DLG2: variants seen among roughly 807,000 people sequenced by gnomAD.
DLG2 encodes disks large homolog 2.
Under a neutral mutation model 132.5 loss-of-function variants are expected in DLG2, and 45 were observed. That is an observed-to-expected ratio of 0.34 (90% CI 0.27 to 0.44). The LOEUF (loss-of-function observed/expected upper bound fraction) is 0.44, where lower values mean the gene tolerates loss of function less well. Among genes scored for constraint, DLG2 ranks in the 20% least tolerant of loss-of-function variants. The pLI, the probability that DLG2 is intolerant of heterozygous loss-of-function variation, is 1.00. For synonymous variants in DLG2, 424 were observed against 419.6 expected (o/e 1.01, Z -0.13); for missense variants, 1,045 against 1,196.9 (o/e 0.87, Z 1.87).
At chr11:84,781,531 A>G (rs999606202) in intron 6 of DLG2, among the ~76,000 whole-genome samples, 1 of 151,786 alleles carries the variant, frequency 6.6e-6, no homozygotes, top group Non-Finnish European at 1.5e-5. Flanking sequence ...TAAAATAATA[A>G]TATAATAATA....
At position 85,537,229 on chromosome 11, in the gene DLG2, A is replaced by C. The variant is rs188732176; in HGVS notation, c.40+61428T>G. ...TAAAACGGACCAATCAGCTCTCTGT[A>C]AAATGGACCAGTCAGCTCTCTCAGG... On this transcript the variant is annotated intron_variant, in intron 3 of 27. Transcript: ENST00000376104. Among the ~76,000 whole-genome samples, 5 of 152,316 alleles carry C rather than the reference A, an allele frequency of 3.3e-5. No individual in the cohort carries two copies. The East Asian group carries it at 9.6e-4, about 29-fold the overall frequency.
At chr11:84,339,650 T>C (rs2098504988) in intron 7 of DLG2, among the ~76,000 whole-genome samples, 1 of 152,310 alleles carries the variant, frequency 6.6e-6, no homozygotes, top group African/African-American at 2.4e-5. Context: ...GTGGTGTCCT[T>C]TCCTTGGTCT....
chr11:83,481,388 CAT>C (rs1431824581), intron 22 of DLG2, among the ~76,000 whole-genome samples: 5 of 144,640 alleles, frequency 3.5e-5, no homozygotes, highest in African/African-American at 1.3e-4. Flanking sequence ...AAATGAAGAA[CAT>C]GTGACTATTT....
intron 6 of DLG2, among the ~76,000 whole-genome samples, chr11:84,780,822 C>T (rs554873760): frequency 2.6e-5 from 4 of 152,040 alleles, no homozygotes; most frequent in Admixed American, 2.6e-4. Context: ...CTTCCTTCTT[C>T]CAGGTATATT....
chr11:84,273,234 G>A (rs764385290), intron 7 of DLG2: 42 of 1,537,104 alleles, frequency 2.7e-5, no homozygotes, highest in Admixed American at 1.2e-4. Context: ...TTCTCAGCCC[G>A]AGAAACACTT....
chr11:84,594,119 A>C (rs1397944078), intron 6 of DLG2, among the ~76,000 whole-genome samples: 1 of 152,190 alleles, frequency 6.6e-6, no homozygotes, highest in East Asian at 1.9e-4. Flanking sequence ...ATATCCTTAG[A>C]ATAGGAAATA....
intron 8 of DLG2, among the ~76,000 whole-genome samples, chr11:84,231,269 T>C (rs1276653959): frequency 2.0e-5 from 3 of 152,238 alleles, no homozygotes; most frequent in Admixed American, 6.5e-5. Context: ...AAGAGTTAAA[T>C]AGAATGATGC....
intron 2 of DLG2, among the ~76,000 whole-genome samples, chr11:85,608,978 G>A (rs1368377757): frequency 6.6e-6 from 1 of 152,196 alleles, no homozygotes; most frequent in African/African-American, 2.4e-5. Context: ...GCTGAGGAAA[G>A]GGACAAATTC....
intron 6 of DLG2, among the ~76,000 whole-genome samples, chr11:84,957,257 A>G (rs760632207): frequency 1.3e-5 from 2 of 152,318 alleles, no homozygotes; most frequent in African/African-American, 4.8e-5. Context: ...CCTCAATACT[A>G]TAACACACTG....
intron 6 of DLG2, among the ~76,000 whole-genome samples, chr11:84,885,467 T>A (rs981420080): frequency 2.0e-5 from 3 of 152,020 alleles, no homozygotes; most frequent in African/African-American, 7.2e-5. Context: ...CCCAAAGTGT[T>A]GGGATTACAG....
At chr11:83,924,371 T>C (rs753881921) in intron 15 of DLG2, among the ~76,000 whole-genome samples, 10 of 152,162 alleles carry the variant, frequency 6.6e-5, no homozygotes, top group Non-Finnish European at 8.8e-5. Context: ...CTGCTGACTT[T>C]AAAAACTCAT....
At chr11:85,515,698 C>T (rs2094156515) in intron 3 of DLG2, among the ~76,000 whole-genome samples, 1 of 151,878 alleles carries the variant, frequency 6.6e-6, no homozygotes, top group Non-Finnish European at 1.5e-5. Context: ...AGTGGCAACA[C>T]TGGTTTTGTT....
chr11:83,674,172 G>A lies in DLG2; in HGVS notation c.1826-40847C>T, dbSNP rs557567380. On this transcript the variant is annotated intron_variant, in intron 18 of 27. Transcript: ENST00000376104. ...TTTAGTTGCTCAATCATGGAGATGT[G>A]TGAGAGTCCTAGGGAAGGGATTCAG... Among the ~76,000 whole-genome samples, 61 of 152,330 alleles carry A rather than the reference G, an allele frequency of 4.0e-4. 1 individual carries two copies. In the South Asian group the frequency reaches 9.5e-3, roughly 24 times the overall value.
At chr11:84,558,198 TA>T (rs1273611348) in intron 6 of DLG2, among the ~76,000 whole-genome samples, 4 of 152,112 alleles carry the variant, frequency 2.6e-5, no homozygotes, top group African/African-American at 9.7e-5. Flanking sequence ...CTTGAACAAA[TA>T]AAAAAACTTC....
intron 3 of DLG2, among the ~76,000 whole-genome samples, chr11:85,585,399 C>T (rs2153230360): frequency 6.6e-6 from 1 of 152,178 alleles, no homozygotes; most frequent in Admixed American, 6.6e-5. Context: ...ATTTGGATGC[C>T]CTTTCTTTTT....
At chr11:84,593,625 C>A (rs1329462186) in intron 6 of DLG2, among the ~76,000 whole-genome samples, 2 of 152,076 alleles carry the variant, frequency 1.3e-5, no homozygotes, top group Non-Finnish European at 2.9e-5. Context: ...GGGAGGGGAA[C>A]ATCACACATC....
At chr11:85,155,130 C>G (rs887356343) in intron 4 of DLG2, among the ~76,000 whole-genome samples, 1 of 152,306 alleles carries the variant, frequency 6.6e-6, no homozygotes, top group South Asian at 2.1e-4. Flanking sequence ...ACTTTCAAAG[C>G]AAAGGGTAGG....
chr11:84,650,000 T>C (rs2099679632), intron 6 of DLG2, among the ~76,000 whole-genome samples: 1 of 152,074 alleles, frequency 6.6e-6, no homozygotes, highest in South Asian at 2.1e-4. Context: ...TAATATAATC[T>C]CTCTCTTTCA....
At chr11:85,398,000 T>C (rs1300269011) in intron 3 of DLG2, among the ~76,000 whole-genome samples, 1 of 152,208 alleles carries the variant, frequency 6.6e-6, no homozygotes. Flanking sequence ...ACATTGCACT[T>C]ATTCTAAAAT....
Sources: allele counts gnomAD v4.1 joint callset (sites outside exome capture counted in the v4.1 genomes callset), GRCh38; gene constraint gnomAD v4.1.1; transcripts MANE v1.5; gene names NCBI Gene and HGNC (gene_info 2026-07-23, HGNC 2026-07-21).